DGKH: variants seen among roughly 807,000 people sequenced by gnomAD.
DGKH encodes the protein DAG kinase eta.
A neutral mutation model predicts 159.3 loss-of-function variants in DGKH; 90 were observed. The ratio of observed to expected loss-of-function variants is 0.57; its 90% CI spans 0.48 to 0.67. The LOEUF (loss-of-function observed/expected upper bound fraction) is 0.67, where lower values mean the gene tolerates loss of function less well. Among genes scored for constraint, DGKH ranks in the 30% least tolerant of loss-of-function variants. The pLI is 0.00. For missense variants in DGKH, 1,181 were observed against 1,506.1 expected (o/e 0.78, Z 3.57); for synonymous variants, 536 against 553.8 (o/e 0.97, Z 0.45).
chr13:42,185,307 G>A (rs899175131), intron 13 of DGKH, among the ~76,000 whole-genome samples: 3 of 152,094 alleles, frequency 2.0e-5, no homozygotes, highest in Admixed American at 6.6e-5. Context: ...TTCCACACTT[G>A]TGTGGCGAGC....
At chr13:42,182,468 T>G (rs1253429009) in intron 13 of DGKH, among the ~76,000 whole-genome samples, 1 of 152,138 alleles carries the variant, frequency 6.6e-6, no homozygotes, top group Non-Finnish European at 1.5e-5. Context: ...GGTACTCAAG[T>G]CCCTCATAGA....
chr13:42,188,440 A>T (rs930278973), intron 14 of DGKH, among the ~76,000 whole-genome samples: 1 of 152,192 alleles, frequency 6.6e-6, no homozygotes, highest in Non-Finnish European at 1.5e-5. Context: ...TCTTTGAGCC[A>T]ATAATCCCTT....
chr13:42,132,155 A>C (rs955786003), intron 3 of DGKH, among the ~76,000 whole-genome samples: 1 of 152,186 alleles, frequency 6.6e-6, no homozygotes, highest in Non-Finnish European at 1.5e-5. Flanking sequence ...TTTTAATGAC[A>C]CACAATGATT....
chr13:42,112,085 A>G (rs1182151966), intron 1 of DGKH, among the ~76,000 whole-genome samples: 1 of 152,234 alleles, frequency 6.6e-6, no homozygotes, highest in African/African-American at 2.4e-5. Flanking sequence ...GTCTCAGACA[A>G]CCAGAATCAG....
At chr13:42,173,981 G>A in intron 11 of DGKH, 79 bp from the exon 12 acceptor site, 1 of 875,866 alleles carries the variant, frequency 1.1e-6, no homozygotes, top group Non-Finnish European at 1.9e-6. Flanking sequence ...GTGTGTGTGT[G>A]TGCGCGTTTA....
chr13:42,070,294 T>C, intron 1 of DGKH: 1 of 1,271,146 alleles, frequency 7.9e-7, no homozygotes, highest in South Asian at 1.2e-5. Flanking sequence ...ATTTCTAATG[T>C]AAACTGGAAT....
chr13:42,169,604 T>C (rs529072694), intron 11 of DGKH, among the ~76,000 whole-genome samples: 33 of 152,322 alleles, frequency 2.2e-4, no homozygotes, highest in African/African-American at 7.2e-4. Context: ...CAAAACAATT[T>C]TGATAGAATT....
chr13:42,205,932 C>A (rs573238188), intron 20 of DGKH, 107 bp from the exon 21 acceptor site: 2 of 527,356 alleles, frequency 3.8e-6, no homozygotes, highest in Admixed American at 4.1e-5. Context: ...ATTACGAACA[C>A]ACTGTGCTCC....
chr13:42,229,107 G>C lies in DGKH; in HGVS notation c.3582G>C (p.Gly1194=). The change falls in exon 30 of 30, where the codon GGG becomes GGC. Residue 1194 remains glycine (G), a synonymous_variant. Transcript: ENST00000337343. ...HLERRDLKDL[G]IPKVGHVKRI... is the part of the protein sequence containing the mutation. Reference sequence around the variant, plus strand: ...CTGTTCTTTTATTTTAGGATCTGGGGATACCGAAAGTGGGTCATGTGAAGC... The same window carrying C: ...CTGTTCTTTTATTTTAGGATCTGGGCATACCGAAAGTGGGTCATGTGAAGC... 1 of 1,609,556 alleles carries C rather than the reference G, an allele frequency of 6.2e-7. No individual in the cohort carries two copies.
chr13:42,190,392 A>G lies in DGKH; in HGVS notation c.1913-11A>G, dbSNP rs1594176312. On this transcript the variant is annotated splice_polypyrimidine_tract_variant and intron_variant, in intron 15 of 29. Transcript: ENST00000337343. Reference sequence around the variant, plus strand: ...ACTTATCCAAACTATTTGTCTTCTTACTACCTGAAGTTATGGATGACCCGA... The same window carrying G: ...ACTTATCCAAACTATTTGTCTTCTTGCTACCTGAAGTTATGGATGACCCGA... The G allele has an allele frequency of 3.7e-6, 6 of 1,603,252 alleles. No homozygotes were observed. Among genetic ancestry groups the G allele is most frequent in the East Asian group, 2.3e-5 (1 of 44,396 alleles).
At chr13:42,170,973 A>G (rs1305385423) in intron 11 of DGKH, among the ~76,000 whole-genome samples, 1 of 151,964 alleles carries the variant, frequency 6.6e-6, no homozygotes, top group African/African-American at 2.4e-5. Flanking sequence ...ACCAGTTAAA[A>G]AGTCATTGTT....
chr13:42,105,438 T>C (rs1954732283), intron 1 of DGKH, among the ~76,000 whole-genome samples: 1 of 152,188 alleles, frequency 6.6e-6, no homozygotes, highest in Non-Finnish European at 1.5e-5. Flanking sequence ...TTTCAACACA[T>C]GAACTGTGGG....
chr13:42,129,558 A>G lies in DGKH; in HGVS notation c.310A>G (p.Ile104Val). The change falls in exon 3 of 30, where the codon ATA becomes GTA. Residue 104 changes from isoleucine (I) to valine (V), a missense_variant. By Grantham distance (29) the Ile-to-Val change is conservative (BLOSUM62 3). Around this residue, in one of 5 missense-constraint regions of DGKH, gnomAD observed 369 missense variants for 519.4 expected, o/e 0.71. Coordinates refer to ENST00000337343, the MANE Select transcript of DGKH (RefSeq NM_178009.5). ...TGTTTTTTTTCATTAACAGTCTCTG[A>G]TATTTGATGAAGTTGACCTCTCAGA... Reference protein sequence around the residue: ...LYYAKDSKSLIFDEVDLSDAS... With the variant: ...LYYAKDSKSLVFDEVDLSDAS... 1 of 1,611,998 alleles carries G rather than the reference A, an allele frequency of 6.2e-7. No individual in the cohort carries two copies. The highest frequency in any genetic ancestry group is 8.5e-7 in the Non-Finnish European group (1 of 1,178,864).
chr13:42,074,036 G>A (rs1368766003), intron 1 of DGKH, among the ~76,000 whole-genome samples: 1 of 152,104 alleles, frequency 6.6e-6, no homozygotes, highest in African/African-American at 2.4e-5. Context: ...TCTACAACAG[G>A]AAAGATGAAC....
Position 42,229,143 on chromosome 13 carries a change from G to A in DGKH, c.3618G>A (p.Gln1206=). Residue 1206 remains glutamine, a synonymous_variant, in exon 30 of 30, where the codon CAG becomes CAA. Coordinates refer to ENST00000337343, the MANE Select transcript of DGKH (RefSeq NM_178009.5). ...PKVGHVKRIL[Q]GIKELGRSTP... is the part of the protein sequence containing the mutation. ...TGGGTCATGTGAAGCGAATTCTCCA[G>A]GGAATTAAAGAGCTTGGAAGGAGCA... 1.2e-6 allele frequency: 2 copies of A among 1,611,466 alleles called. No homozygotes were observed. The highest frequency in any genetic ancestry group is 2.2e-5 in the East Asian group (1 of 44,718).
At chr13:42,070,835 T>C in intron 1 of DGKH, 1 of 1,342,788 alleles carries the variant, frequency 7.4e-7, no homozygotes, top group Non-Finnish European at 1.1e-6. Flanking sequence ...TGGCTCCCAC[T>C]GGGACCAGGA....
intron 1 of DGKH, among the ~76,000 whole-genome samples, chr13:42,117,610 T>G (rs1273038470): frequency 6.6e-6 from 1 of 152,190 alleles, no homozygotes; most frequent in Non-Finnish European, 1.5e-5. Flanking sequence ...TATTGTAACA[T>G]AGAGAGGTTT....
chr13:42,059,905 C>CTTTT (rs11357293), intron 1 of DGKH, among the ~76,000 whole-genome samples: 3 of 139,816 alleles, frequency 2.1e-5, no homozygotes, highest in Admixed American at 7.2e-5. Flanking sequence ...TCTCTTTTTT[C>CTTTT]TTTTTTTTTT....
intron 1 of DGKH, chr13:42,070,679 C>T: frequency 6.2e-7 from 1 of 1,612,188 alleles, no homozygotes; most frequent in Non-Finnish European, 8.5e-7. Context: ...TACTTGAGCC[C>T]CCGTAGCAGC....
Sources: gnomAD v4.1 joint callset for allele counts (sites outside exome capture counted in the v4.1 genomes callset) on GRCh38, gnomAD v4.1.1 for gene constraint, gnomAD v4.1.1 regional missense constraint, MANE v1.5 for transcripts, NCBI Gene and HGNC (gene_info 2026-07-23, HGNC 2026-07-21) for gene names.